The following KBTBD3 variants were observed in gnomAD, a reference collection of about 807,000 sequenced individuals.
KBTBD3 encodes kelch repeat and BTB domain containing 3.
A neutral mutation model predicts 49.6 loss-of-function variants in KBTBD3; 38 were observed. The ratio of observed to expected loss-of-function variants is 0.77; its 90% confidence interval spans 0.59 to 1.00. The LOEUF is 1.00. Ranked by LOEUF, KBTBD3 falls within the 50% of genes least tolerant of loss-of-function variation. The pLI is 0.00. For missense variants in KBTBD3, 661 were observed against 712.0 expected, an observed-to-expected ratio of 0.93 and a Z score of 0.81; for synonymous variants, 214 against 250.4, an observed-to-expected ratio of 0.85 and a Z score of 1.37.
intron 2 of KBTBD3, among the ~76,000 whole-genome samples, chr11:106,062,321 G>C (rs1860718044): frequency 6.6e-6 from 1 of 152,172 alleles, no homozygotes; most frequent in South Asian, 2.1e-4. Flanking sequence ...GAGCAAGAGA[G>C]AGAGACAGTG....
chr11:106,055,276 T>C (rs1166064903), intron 3 of KBTBD3, among the ~76,000 whole-genome samples: 1 of 152,172 alleles, frequency 6.6e-6, no homozygotes, highest in East Asian at 1.9e-4. Flanking sequence ...TGTATGGGCA[T>C]GGAACAAAAT....
intron 2 of KBTBD3, among the ~76,000 whole-genome samples, chr11:106,073,563 T>C (rs531898893): frequency 6.6e-6 from 1 of 152,342 alleles, no homozygotes; most frequent in East Asian, 1.9e-4. Context: ...GTATGTGAAC[T>C]CAGTTTGGCT....
chr11:106,062,693 TA>T (rs1246722721), intron 2 of KBTBD3, among the ~76,000 whole-genome samples: 19 of 152,364 alleles, frequency 1.2e-4, no homozygotes, highest in Middle Eastern at 3.4e-3. Context: ...ATTCACATGT[TA>T]ATCTCATCCA....
intron 2 of KBTBD3, among the ~76,000 whole-genome samples, chr11:106,070,057 G>A (rs1222012655): frequency 6.6e-6 from 1 of 151,792 alleles, no homozygotes; most frequent in Admixed American, 6.6e-5. Flanking sequence ...GATATCCACA[G>A]GCAACAAAAA....
chr11:106,064,543 C>CTAAATAAATAAATAAATAAA (rs71041645), intron 2 of KBTBD3, among the ~76,000 whole-genome samples: 2,231 of 148,652 alleles, frequency 0.015, 43 homozygotes, highest in African/African-American at 0.026. Context: ...GGCTCTGTTT[C>CTAAATAAATAAATAAATAAA]TAAATAAATA....
At chr11:106,055,633 AG>A (rs1375571907) in intron 3 of KBTBD3, among the ~76,000 whole-genome samples, 1 of 152,166 alleles carries the variant, frequency 6.6e-6, no homozygotes, top group Admixed American at 6.5e-5. Flanking sequence ...TATGGTCCAT[AG>A]GGCCCAGCTG....
chr11:106,058,832 C>A, intron 3 of KBTBD3, 33 bp downstream of exon 3: 1 of 1,248,228 alleles, frequency 8.0e-7, no homozygotes, highest in Non-Finnish European at 1.1e-6. Flanking sequence ...TTATCCAAAT[C>A]ATAAAATCTG....
intron 2 of KBTBD3, 75 bp from the exon 3 acceptor site, chr11:106,059,184 T>C (rs1462457886): frequency 1.4e-6 from 1 of 707,524 alleles, no homozygotes; most frequent in Non-Finnish European, 2.3e-6. Flanking sequence ...GCCCTCTTGA[T>C]GGCAAATACA....
chr11:106,064,832 G>A (rs1241309528), intron 2 of KBTBD3, among the ~76,000 whole-genome samples: 1 of 151,804 alleles, frequency 6.6e-6, no homozygotes, highest in African/African-American at 2.4e-5. Flanking sequence ...AGAATCGGGT[G>A]ACTCAGTCCA....
intron 2 of KBTBD3, among the ~76,000 whole-genome samples, chr11:106,069,063 CTT>C (rs1313101863): frequency 5.9e-5 from 9 of 152,082 alleles, no homozygotes; most frequent in Admixed American, 2.0e-4. Context: ...CCCTTCTCAA[CTT>C]GGTAGAGAAA....
rs1860455607 is a variant in KBTBD3, at chr11:106,053,035, T to A, written c.1654A>T (p.Lys552Ter). 2 of 1,613,514 alleles carry A rather than the reference T, an allele frequency of 1.2e-6. No individual in the cohort carries two copies. The highest frequency in any genetic ancestry group is 1.7e-6 in the Non-Finnish European group (2 of 1,179,716). ...TAATCACCACCTAATATATAAATTT[T>A]ATCTTCAATTCCAATTGCACCTGCA... ...FNAGAIGIED[K>*]IYILGGDYAP... is the part of the protein sequence containing the mutation. Residue 552 changes from lysine to a stop codon, truncating the protein, a stop_gained, in exon 4 of 4, where the codon AAA becomes TAA. Coordinates refer to ENST00000531837, the MANE Select transcript of KBTBD3 (RefSeq NM_198439.3). LOFTEE classifies it high-confidence loss of function.
chr11:106,058,081 T>C (rs1591534366), intron 3 of KBTBD3: 1 of 397,898 alleles, frequency 2.5e-6, no homozygotes, highest in East Asian at 3.6e-5. Context: ...TAGTCTTAAA[T>C]TCTCTCCTAC....
chr11:106,058,817 C>T (rs1404863768), intron 3 of KBTBD3, 48 bp downstream of exon 3: 1 of 1,083,518 alleles, frequency 9.2e-7, no homozygotes, highest in Non-Finnish European at 1.4e-6. Flanking sequence ...TAAAATAGAA[C>T]TTAATTATCC....
intron 2 of KBTBD3, among the ~76,000 whole-genome samples, chr11:106,062,420 G>A (rs1480730240): frequency 6.6e-6 from 1 of 152,162 alleles, no homozygotes; most frequent in Non-Finnish European, 1.5e-5. Context: ...CAGGAGAGCT[G>A]ACAGTACAGT....
rs904038212 is a variant in KBTBD3, at chr11:106,076,677, A to C, written c.-183T>G. On this transcript the variant is annotated 5_prime_UTR_variant, in exon 2 of 4. Transcript: ENST00000531837. ...GCACTTGGATCGCGTGGGCTTTCATACGAGAGTCAACAACAGCCTACACGG... is the reference window on the plus strand; with the variant it reads ...GCACTTGGATCGCGTGGGCTTTCATCCGAGAGTCAACAACAGCCTACACGG... 1 of 152,208 alleles carries C rather than the reference A, an allele frequency of 6.6e-6. No homozygotes were observed. Among genetic ancestry groups the C allele is most frequent in the African/African-American group, 2.4e-5 (1 of 41,420 alleles). The allele number at this position is 152,208 out of a possible 1,614,324, so 9.4% of individuals were successfully genotyped here.
rs1213424233 is a variant in KBTBD3 at position 106,066,221 on chromosome 11, T to C, written c.-12-7112A>G. ...TACTATACAGCAAAACTTCTATTTC[T>C]GTTGACAGGTAAACACTGATAGGCA... On this transcript the variant is annotated intron_variant, in intron 2 of 3. Coordinates refer to ENST00000531837, the MANE Select transcript of KBTBD3 (RefSeq NM_198439.3). Among the ~76,000 whole-genome samples, 3 of 152,228 alleles carry C rather than the reference T, an allele frequency of 2.0e-5. No homozygotes were observed. The East Asian group carries it at 5.8e-4, about 29-fold the overall frequency.
chr11:106,063,542 T>A (rs1860745646), intron 2 of KBTBD3, among the ~76,000 whole-genome samples: 1 of 152,256 alleles, frequency 6.6e-6, no homozygotes, highest in Non-Finnish European at 1.5e-5. Flanking sequence ...TTGTGACATA[T>A]TTGAGGTAAA....
rs1187399744 is a variant in KBTBD3, at chr11:106,053,591, A to G, written c.1098T>C (p.Tyr366=). 6.2e-7 allele frequency: 1 copy of G among 1,613,768 alleles called. No homozygotes were observed. The highest frequency in any genetic ancestry group is 1.3e-5 in the African/African-American group (1 of 74,894). Residue 366 remains tyrosine (Y), a synonymous_variant, in exon 4 of 4, where the codon TAT becomes TAC. Coordinates refer to ENST00000531837, the MANE Select transcript of KBTBD3 (RefSeq NM_198439.3). The stretch of plus-strand genomic sequence containing the variant: ...ACCAGGTTTGATCAGTGGCATCATG[A>G]TATGACTCGGCAATATGCAGTCGAA... ...RTVRLHIAES[Y]HDATDQTWCY... is the part of the protein sequence containing the mutation.
At chr11:106,060,119 G>C (rs72977030) in intron 2 of KBTBD3, among the ~76,000 whole-genome samples, 2 of 147,974 alleles carry the variant, frequency 1.4e-5, no homozygotes, top group Admixed American at 1.4e-4. Flanking sequence ...CAGCTGGGAC[G>C]GCTAGAAGAG....
Sources: gnomAD v4.1 joint callset for allele counts (sites outside exome capture counted in the v4.1 genomes callset) on GRCh38, gnomAD v4.1.1 for gene constraint, MANE v1.5 for transcripts, NCBI Gene and HGNC (gene_info 2026-07-23, HGNC 2026-07-21) for gene names.